PARD3B: variants seen among roughly 807,000 people sequenced by gnomAD.
PARD3B encodes partitioning defective 3 homolog B.
In PARD3B, 103 loss-of-function variants were observed where a neutral mutation model predicts 130.2. The ratio of observed to expected loss-of-function variants is 0.79; its 90% CI spans 0.67 to 0.93. PARD3B has a LOEUF of 0.93. PARD3B is among the 40% of genes least tolerant of loss of function. The pLI, the probability that PARD3B is intolerant of heterozygous loss-of-function variation, is 0.00. For missense variants in PARD3B, 1,609 were observed against 1,499.2 expected (o/e 1.07, Z -1.21); for synonymous variants, 583 against 553.2 (o/e 1.05, Z -0.76).
chr2:205,609,720 A>C (rs545814117), intron 22 of PARD3B, among the ~76,000 whole-genome samples: 1 of 152,234 alleles, frequency 6.6e-6, no homozygotes, highest in Non-Finnish European at 1.5e-5. Flanking sequence ...CATGGTTTTT[A>C]TACTTTCTGC....
intron 2 of PARD3B, among the ~76,000 whole-genome samples, chr2:204,764,715 C>CGTGCGT (rs1553519192): frequency 6.9e-6 from 1 of 145,644 alleles, no homozygotes; most frequent in African/African-American, 2.5e-5. Flanking sequence ...GGCATGCATG[C>CGTGCGT]GTGTGTGTGT....
chr2:205,513,657 T>C (rs913534236), intron 21 of PARD3B, among the ~76,000 whole-genome samples: 1 of 152,074 alleles, frequency 6.6e-6, no homozygotes, highest in Non-Finnish European at 1.5e-5. Context: ...AAATGTGTGG[T>C]TCCTTAGTCA....
chr2:205,515,130 G>A lies in PARD3B; in HGVS notation c.3180+15099G>A, dbSNP rs149439577. Among the ~76,000 whole-genome samples the A allele has an allele frequency of 1.7e-3, 260 of 152,062 alleles. 1 individual carries two copies. Among genetic ancestry groups the A allele is most frequent in the Non-Finnish European group, 2.8e-3 (191 of 67,970 alleles). On this transcript the variant is annotated intron_variant, in intron 21 of 22. Coordinates refer to ENST00000406610, the MANE Select transcript of PARD3B (RefSeq NM_001302769.2). ...CCTGCATTAGTTTGTTGAGGGTAAT[G>A]GCCTCCAGCTCCATCCATGTTTGTT...
At chr2:204,559,344 A>C (rs1313766168) in intron 1 of PARD3B, among the ~76,000 whole-genome samples, 1 of 151,962 alleles carries the variant, frequency 6.6e-6, no homozygotes, top group African/African-American at 2.4e-5. Flanking sequence ...ACAAATTTAC[A>C]AGAAAAAAAC....
At chr2:204,588,339 T>C (rs941174454) in intron 1 of PARD3B, among the ~76,000 whole-genome samples, 2 of 152,184 alleles carry the variant, frequency 1.3e-5, no homozygotes, top group African/African-American at 4.8e-5. Context: ...CTTTTTAATA[T>C]TGAAGATGCT....
chr2:204,783,741 A>G (rs1170927936), intron 2 of PARD3B, among the ~76,000 whole-genome samples: 1 of 152,126 alleles, frequency 6.6e-6, no homozygotes, highest in African/African-American at 2.4e-5. Context: ...CACAGTAGTA[A>G]GGGACAGAGT....
chr2:204,784,180 C>A (rs2041931782), intron 2 of PARD3B, among the ~76,000 whole-genome samples: 1 of 152,150 alleles, frequency 6.6e-6, no homozygotes, highest in African/African-American at 2.4e-5. Flanking sequence ...GATCTACCTA[C>A]CTGCATTAGG....
chr2:205,379,560 G>A (rs2045228449), intron 18 of PARD3B, among the ~76,000 whole-genome samples: 1 of 151,698 alleles, frequency 6.6e-6, no homozygotes, highest in African/African-American at 2.4e-5. Flanking sequence ...ATTTTACATT[G>A]TTATTTTAAA....
Position 204,763,673 on chromosome 2 carries a change from T to A in PARD3B, c.222+77391T>A, listed in dbSNP as rs528292628. Among the ~76,000 whole-genome samples the A allele has an allele frequency of 1.5e-4, 23 of 152,332 alleles. No homozygotes were observed. The South Asian group carries it at 4.6e-3, about 30-fold the overall frequency. On this transcript the variant is annotated intron_variant, in intron 2 of 22. Coordinates refer to ENST00000406610, the MANE Select transcript of PARD3B (RefSeq NM_001302769.2). ...ATAGCCTCAGTTTTTTCTTAAAACA[T>A]GTTTCATGTGCACATAATGCCAGAC... is the stretch of plus-strand genomic sequence containing the variant.
intron 2 of PARD3B, among the ~76,000 whole-genome samples, chr2:204,787,778 T>C (rs879647632): frequency 1.3e-5 from 2 of 152,226 alleles, no homozygotes; most frequent in African/African-American, 4.8e-5. Flanking sequence ...AGCTGGACTC[T>C]TAACACCAAC....
intron 21 of PARD3B, among the ~76,000 whole-genome samples, chr2:205,507,052 A>C (rs1296666383): frequency 6.6e-6 from 1 of 152,030 alleles, no homozygotes; most frequent in East Asian, 1.9e-4. Flanking sequence ...CTAACACAAC[A>C]ACTCTGAAGG....
At chr2:205,069,081 C>A (rs1700563898) in intron 4 of PARD3B, among the ~76,000 whole-genome samples, 1 of 151,050 alleles carries the variant, frequency 6.6e-6, no homozygotes, top group Non-Finnish European at 1.5e-5. Flanking sequence ...CTGCCAGTTT[C>A]TAATAGAAAT....
intron 2 of PARD3B, among the ~76,000 whole-genome samples, chr2:204,815,730 T>C (rs988223722): frequency 2.6e-5 from 4 of 152,040 alleles, no homozygotes; most frequent in Non-Finnish European, 5.9e-5. Flanking sequence ...ATTTTCACTC[T>C]GTACAAAGTA....
chr2:204,858,198 T>A (rs1301836627), intron 2 of PARD3B, among the ~76,000 whole-genome samples: 2 of 152,166 alleles, frequency 1.3e-5, no homozygotes, highest in South Asian at 4.1e-4. Flanking sequence ...ACTATCATAT[T>A]AACCTTAGTT....
At chr2:205,175,235 T>C (rs1211243564) in intron 12 of PARD3B, among the ~76,000 whole-genome samples, 3 of 152,180 alleles carry the variant, frequency 2.0e-5, no homozygotes, top group Admixed American at 6.5e-5. Context: ...TATTGTTAAA[T>C]CAAAGCACAA....
chr2:205,533,160 T>TAGAC (rs151173848), intron 21 of PARD3B, among the ~76,000 whole-genome samples: 319 of 152,312 alleles, frequency 2.1e-3, no homozygotes, highest in African/African-American at 7.2e-3. Context: ...AGGAAAATAT[T>TAGAC]AGACATATTT....
chr2:205,098,967 A>G (rs560971911), intron 4 of PARD3B, among the ~76,000 whole-genome samples: 1 of 152,310 alleles, frequency 6.6e-6, no homozygotes, highest in East Asian at 1.9e-4. Flanking sequence ...AAAAAATTGT[A>G]GTAATTAAAC....
chr2:204,554,880 G>C (rs749991237), intron 1 of PARD3B, among the ~76,000 whole-genome samples: 1 of 152,172 alleles, frequency 6.6e-6, no homozygotes, highest in African/African-American at 2.4e-5. Flanking sequence ...GGCCTTGGCT[G>C]GTGGCATCTG....
At chr2:205,433,195 G>A (rs921771553) in intron 19 of PARD3B, among the ~76,000 whole-genome samples, 8 of 152,160 alleles carry the variant, frequency 5.3e-5, no homozygotes, top group Admixed American at 3.9e-4. Flanking sequence ...GGTATAAGTA[G>A]TATAATCAGC....
Sources: allele counts gnomAD v4.1 joint callset (sites outside exome capture counted in the v4.1 genomes callset), GRCh38; gene constraint gnomAD v4.1.1; transcripts MANE v1.5; gene names NCBI Gene and HGNC (gene_info 2026-07-23, HGNC 2026-07-21).